Variants in ANKRD36C observed in about 807,000 individuals in gnomAD.
The protein encoded by ANKRD36C is ankyrin repeat domain 36C, also known as ankyrin repeat domain-containing protein 36C.
In ANKRD36C, 61 loss-of-function variants were observed where a neutral mutation model predicts 276.4. That is an observed-to-expected ratio of 0.22 (90% CI 0.18 to 0.27). The LOEUF (loss-of-function observed/expected upper bound fraction) is 0.27. Among genes scored for constraint, ANKRD36C ranks in the 10% least tolerant of loss-of-function variants. ANKRD36C has a pLI of 1.00. For synonymous variants in ANKRD36C, 483 were observed against 680.1 expected (o/e 0.71, Z 4.51); for missense variants, 1,447 against 2,032.3 (o/e 0.71, Z 5.54).
rs571402229 is a variant in ANKRD36C, at chr2:95,954,903, C to T, written c.1137-898G>A. 9.2e-5 allele frequency among the ~76,000 whole-genome samples: 14 copies of T among 152,196 alleles called. 2 individuals are homozygous for T. In the South Asian group the frequency reaches 2.9e-3, roughly 32 times the overall value. ...ATCCCTCTTCTGCAGGGATCTGTGG[C>T]AATCTCCAATCTATGTCTTCAGCAT... On this transcript the variant is annotated intron_variant, in intron 13 of 66. Coordinates refer to ENST00000456556, the Ensembl canonical transcript of ANKRD36C.
chr2:95,986,705 T>C, intron 3 of ANKRD36C, 46 bp downstream of exon 3: 1 of 1,520,926 alleles, frequency 6.6e-7, no homozygotes, highest in South Asian at 1.3e-5. Flanking sequence ...AATGTTAAAA[T>C]AAATGCATTT....
chr2:95,914,332 T>C (rs1311669885), intron 38 of ANKRD36C, 29 bp from the exon 41 acceptor site: 23 of 1,545,910 alleles, frequency 1.5e-5, no homozygotes, highest in Admixed American at 3.9e-5. Flanking sequence ...TCATAATCAC[T>C]CATATGTAAA....
exon 1 of ANKRD36C, chr2:95,991,768 G>C (rs1371988786): frequency 1.3e-6 from 2 of 1,525,972 alleles, no homozygotes; most frequent in African/African-American, 2.7e-5. Context: ...GGGGATCGCC[G>C]CCTCCGAAGA....
intron 42 of ANKRD36C, among the ~76,000 whole-genome samples, chr2:95,909,749 A>G (rs1227080563): frequency 6.0e-5 from 9 of 150,914 alleles, no homozygotes; most frequent in Non-Finnish European, 1.3e-4. Flanking sequence ...TTTTATGCCA[A>G]TTCTAGGATT....
intron 36 of ANKRD36C, among the ~76,000 whole-genome samples, chr2:95,916,661 C>A (rs924968585): frequency 5.3e-5 from 8 of 151,646 alleles, no homozygotes; most frequent in Non-Finnish European, 1.0e-4. Context: ...TGAATGTACA[C>A]TCACATCTCT....
intron 60 of ANKRD36C, 107 bp from the exon 81 acceptor site, chr2:95,860,181 G>A: frequency 1.1e-6 from 1 of 874,814 alleles, no homozygotes; most frequent in Non-Finnish European, 1.8e-6. Context: ...GAACAAGTAT[G>A]TACATATTGA....
At chr2:95,884,393 T>A in intron 52 of ANKRD36C, 25 bp from the exon 73 acceptor site, 1 of 1,610,726 alleles carries the variant, frequency 6.2e-7, no homozygotes, top group Admixed American at 1.7e-5. Flanking sequence ...GGATACATAA[T>A]CACCCACATG....
At chr2:95,943,477 C>G (rs1214821114) in intron 19 of ANKRD36C, among the ~76,000 whole-genome samples, 1 of 136,496 alleles carries the variant, frequency 7.3e-6, no homozygotes, top group East Asian at 2.3e-4. Context: ...GAGCGAGACT[C>G]CGTCTCAAAA....
chr2:95,883,134 A>G (rs1252978791), intron 54 of ANKRD36C, among the ~76,000 whole-genome samples: 3 of 152,120 alleles, frequency 2.0e-5, no homozygotes, highest in Non-Finnish European at 4.4e-5. Context: ...TTTATGCTAC[A>G]GAAAGGTTCT....
chr2:95,949,814 G>T (rs953501103), intron 16 of ANKRD36C, among the ~76,000 whole-genome samples: 2 of 152,296 alleles, frequency 1.3e-5, no homozygotes, highest in Non-Finnish European at 2.9e-5. Context: ...TAGTCTCTAG[G>T]ATTTCTTAAC....
intron 17 of ANKRD36C, among the ~76,000 whole-genome samples, chr2:95,946,825 G>A (rs371938870): frequency 7.3e-5 from 11 of 151,026 alleles, no homozygotes; most frequent in South Asian, 4.2e-4. Flanking sequence ...ACCAAACACC[G>A]CATATTCTCA....
chr2:95,917,755 T>C (rs1209033680), intron 36 of ANKRD36C, 100 bp downstream of exon 38: 47 of 1,407,378 alleles, frequency 3.3e-5, no homozygotes, highest in Admixed American at 1.7e-4. Context: ...TGTGCAGCTT[T>C]GGCGAGCACC....
At chr2:95,939,677 C>T (rs1272173925) in intron 20 of ANKRD36C, among the ~76,000 whole-genome samples, 3 of 148,878 alleles carry the variant, frequency 2.0e-5, no homozygotes, top group African/African-American at 7.3e-5. Context: ...TGCACTCAAG[C>T]CTGGGTGACA....
At chr2:95,913,963 C>G in intron 40 of ANKRD36C, 145 bp downstream of exon 42, 1 of 903,324 alleles carries the variant, frequency 1.1e-6, no homozygotes, top group Non-Finnish European at 1.7e-6. Flanking sequence ...ATCAGCATCA[C>G]CCAAGAACTT....
In ANKRD36C at chr2:95,914,318, G is replaced by C. The variant is rs747211558; in HGVS notation, c.2450-15C>G. 4 of 1,546,970 alleles carry C rather than the reference G, an allele frequency of 2.6e-6. No homozygotes were observed. In the African/African-American group the frequency reaches 5.5e-5, roughly 21 times the overall value. ...CTCAGAAGTCACTGAAAAGTAAAAG[G>C]GATTCATAATCACTCATATGTAAAA... On this transcript the variant is annotated splice_polypyrimidine_tract_variant and intron_variant, in intron 38 of 66. Coordinates refer to ENST00000456556, the Ensembl canonical transcript of ANKRD36C.
rs553027613 is a variant in ANKRD36C at position 95,860,208 on chromosome 2, A to C, written c.3683-134T>G. Reference sequence around the variant, plus strand: ...ACATATTGAGTGCCTACAAAGTGGAAGATATTATAGTAAGGTCTGCAGGTA... The same window carrying C: ...ACATATTGAGTGCCTACAAAGTGGACGATATTATAGTAAGGTCTGCAGGTA... On this transcript the variant is annotated intron_variant, in intron 60 of 66. Transcript: ENST00000456556. 69 of 698,084 alleles carry C rather than the reference A, an allele frequency of 9.9e-5. 2 individuals are homozygous for C. The South Asian group carries it at 1.2e-3, about 12-fold the overall frequency. 43.2% of individuals were successfully genotyped at this position (698,084 alleles called of 1,614,324 possible).
At chr2:95,885,407 G>T (rs1676176598) in intron 52 of ANKRD36C, among the ~76,000 whole-genome samples, 1 of 151,742 alleles carries the variant, frequency 6.6e-6, no homozygotes, top group African/African-American at 2.4e-5. Flanking sequence ...GAGTCAGTGT[G>T]CTTTATCCCA....
chr2:95,974,601 C>T (rs1678766363), intron 6 of ANKRD36C, among the ~76,000 whole-genome samples: 1 of 152,094 alleles, frequency 6.6e-6, no homozygotes, highest in African/African-American at 2.4e-5. Context: ...ACATTTTTCT[C>T]CATGATGTTA....
At chr2:95,911,580 G>C (rs1383310516) in intron 42 of ANKRD36C, among the ~76,000 whole-genome samples, 1 of 151,456 alleles carries the variant, frequency 6.6e-6, no homozygotes. Context: ...ATGCCTAATA[G>C]TAACAAAGAG....
Sources: allele counts gnomAD v4.1 joint callset (sites outside exome capture counted in the v4.1 genomes callset), GRCh38; gene constraint gnomAD v4.1.1; transcripts MANE v1.5; gene names NCBI Gene and HGNC (gene_info 2026-07-23, HGNC 2026-07-21).